The following THSD7B variants were observed in gnomAD, a reference collection of about 807,000 sequenced individuals.
The protein encoded by THSD7B is thrombospondin type 1 domain containing 7B.
THSD7B carries 138 observed loss-of-function variants against 213.6 expected under a neutral mutation model. The ratio of observed to expected loss-of-function variants is 0.65; its 90% confidence interval spans 0.56 to 0.74. The LOEUF is 0.74. Ranked by LOEUF, THSD7B falls within the 30% of genes least tolerant of loss-of-function variation. The probability of loss-of-function intolerance (pLI) is 0.00; values close to 1 mark genes in which losing one functional copy is unlikely to be tolerated. For synonymous variants in THSD7B, 742 were observed against 687.0 expected (o/e 1.08, Z -1.25); for missense variants, 1,931 against 1,991.5 (o/e 0.97, Z 0.58).
At chr2:137,602,279 A>G (rs13383114) in intron 17 of THSD7B, among the ~76,000 whole-genome samples, 33,720 of 151,276 alleles carry the variant, frequency 0.22, 4,430 homozygotes, top group African/African-American at 0.36. Flanking sequence ...TTGTTTTTGT[A>G]TTATTTTTTA....
chr2:136,937,604 C>G (rs1158265556), intron 2 of THSD7B, among the ~76,000 whole-genome samples: 3 of 152,060 alleles, frequency 2.0e-5, no homozygotes, highest in Admixed American at 2.0e-4. Flanking sequence ...TTTAATGGTG[C>G]CTTGTATAGA....
At chr2:137,474,323 C>G (rs906054263) in intron 15 of THSD7B, among the ~76,000 whole-genome samples, 1 of 152,132 alleles carries the variant, frequency 6.6e-6, no homozygotes, top group African/African-American at 2.4e-5. Flanking sequence ...AGTCATTAGA[C>G]CTGGAGGAAA....
intron 2 of THSD7B, among the ~76,000 whole-genome samples, chr2:137,030,110 C>T (rs1686637572): frequency 6.6e-6 from 1 of 151,986 alleles, no homozygotes; most frequent in Non-Finnish European, 1.5e-5. Flanking sequence ...TGGGTGCGTG[C>T]ATGAGTGCAT....
intron 6 of THSD7B, among the ~76,000 whole-genome samples, chr2:137,164,975 A>G (rs933458057): frequency 6.6e-6 from 1 of 152,154 alleles, no homozygotes; most frequent in African/African-American, 2.4e-5. Flanking sequence ...ACATGTATAC[A>G]TATGTAACAA....
chr2:137,494,547 A>G (rs1023889256), intron 15 of THSD7B, among the ~76,000 whole-genome samples: 1 of 152,152 alleles, frequency 6.6e-6, no homozygotes, highest in South Asian at 2.1e-4. Flanking sequence ...TGTGCTTTGT[A>G]AGGATCTATT....
chr2:137,559,201 T>A (rs1450908749), intron 15 of THSD7B, among the ~76,000 whole-genome samples: 1 of 152,046 alleles, frequency 6.6e-6, no homozygotes, highest in Non-Finnish European at 1.5e-5. Flanking sequence ...CTTCACAGAA[T>A]TGGAAAAAAC....
intron 15 of THSD7B, among the ~76,000 whole-genome samples, chr2:137,491,092 G>A (rs1298288658): frequency 6.6e-6 from 1 of 152,170 alleles, no homozygotes; most frequent in Non-Finnish European, 1.5e-5. Flanking sequence ...GAGACACATT[G>A]ACCCAAGGGT....
chr2:137,528,111 A>G (rs1680313252), intron 15 of THSD7B, among the ~76,000 whole-genome samples: 1 of 152,098 alleles, frequency 6.6e-6, no homozygotes, highest in African/African-American at 2.4e-5. Context: ...CATCAAATTG[A>G]TGTTCAATTT....
chr2:137,314,162 G>A (rs1032156266), intron 12 of THSD7B, among the ~76,000 whole-genome samples: 2 of 152,008 alleles, frequency 1.3e-5, no homozygotes, highest in Non-Finnish European at 2.9e-5. Context: ...TGTAGATTTG[G>A]TCTTTTCATA....
At chr2:137,566,069 T>C (rs1268203529) in intron 16 of THSD7B, among the ~76,000 whole-genome samples, 1 of 152,206 alleles carries the variant, frequency 6.6e-6, no homozygotes, top group Admixed American at 6.5e-5. Context: ...TAAAGTCTTA[T>C]AATGAATGGA....
chr2:137,345,594 T>A (rs963595965), intron 12 of THSD7B, among the ~76,000 whole-genome samples: 1 of 146,872 alleles, frequency 6.8e-6, no homozygotes. Flanking sequence ...AAACTAAGAG[T>A]GAGAGAGAGA....
At chr2:137,313,610 T>C (rs1033230357) in intron 12 of THSD7B, among the ~76,000 whole-genome samples, 1 of 151,966 alleles carries the variant, frequency 6.6e-6, no homozygotes, top group African/African-American at 2.4e-5. Context: ...CTCGATGGTC[T>C]TTACATTTTG....
intron 6 of THSD7B, among the ~76,000 whole-genome samples, chr2:137,165,600 A>T (rs376398748): frequency 7.2e-5 from 11 of 152,218 alleles, no homozygotes; most frequent in African/African-American, 2.6e-4. Flanking sequence ...ATTCTACAGA[A>T]GCTGGGGTAC....
At chr2:136,781,046 CAA>C (rs1249497172) in intron 1 of THSD7B, among the ~76,000 whole-genome samples, 1 of 152,124 alleles carries the variant, frequency 6.6e-6, no homozygotes, top group African/African-American at 2.4e-5. Flanking sequence ...TTCAAAATCA[CAA>C]TATGATTTCT....
intron 12 of THSD7B, among the ~76,000 whole-genome samples, chr2:137,357,964 G>C (rs1191641084): frequency 6.6e-6 from 1 of 152,112 alleles, no homozygotes; most frequent in Non-Finnish European, 1.5e-5. Flanking sequence ...ATTACCACTT[G>C]TTCACATTTC....
rs144869316 is a variant in THSD7B at position 137,390,423 on chromosome 2, T to C, written c.2501-15190T>C. 4.6e-5 allele frequency among the ~76,000 whole-genome samples: 7 copies of C among 152,324 alleles called. No individual in the cohort carries two copies. The South Asian group carries it at 8.3e-4, about 18-fold the overall frequency. On this transcript the variant is annotated intron_variant, in intron 12 of 27. Coordinates refer to ENST00000409968, the MANE Select transcript of THSD7B (RefSeq NM_001316349.2). ...ACTCATTAGATTTATATATCAGATC[T>C]AAGTTTTTTAAATGGAATCTTTATG...
intron 15 of THSD7B, chr2:137,538,636 C>A: frequency 5.7e-6 from 2 of 349,938 alleles, no homozygotes; most frequent in Non-Finnish European, 1.1e-5. Context: ...AAAAATTCCT[C>A]CCATAGAAGA....
intron 1 of THSD7B, among the ~76,000 whole-genome samples, chr2:136,768,014 A>G (rs557553830): frequency 6.6e-6 from 1 of 152,346 alleles, no homozygotes; most frequent in East Asian, 1.9e-4. Context: ...GATCATATAA[A>G]CAATGTAAAT....
intron 12 of THSD7B, among the ~76,000 whole-genome samples, chr2:137,388,667 C>A (rs1478409835): frequency 4.6e-5 from 7 of 151,950 alleles, no homozygotes; most frequent in African/African-American, 1.7e-4. Flanking sequence ...ATCCTCCTCA[C>A]CCCCACACAT....
Sources: gnomAD v4.1 joint callset for allele counts (sites outside exome capture counted in the v4.1 genomes callset) on GRCh38, gnomAD v4.1.1 for gene constraint, MANE v1.5 for transcripts, NCBI Gene and HGNC (gene_info 2026-07-23, HGNC 2026-07-21) for gene names.